PTPRD: variants seen among roughly 807,000 people sequenced by gnomAD.
PTPRD encodes the protein receptor-type tyrosine-protein phosphatase delta.
In PTPRD, 34 loss-of-function variants were observed where a neutral mutation model predicts 214.5. The observed-to-expected ratio is 0.16, with a 90% CI of 0.12 to 0.21. The LOEUF is 0.21. Among genes scored for constraint, PTPRD ranks in the 10% least tolerant of loss-of-function variants. The probability of loss-of-function intolerance (pLI) is 1.00; values close to 1 mark genes in which losing one functional copy is unlikely to be tolerated. For synonymous variants in PTPRD, 1,128 were observed against 845.7 expected (o/e 1.33, Z -5.79); for missense variants, 2,545 against 2,398.7 (o/e 1.06, Z -1.27).
At chr9:10,188,575 CT>C (rs35140958) in intron 3 of PTPRD, among the ~76,000 whole-genome samples, 232 of 143,432 alleles carry the variant, frequency 1.6e-3, no homozygotes, top group East Asian at 2.4e-3. Context: ...TAAATAGTAT[CT>C]TTTTTTTTTT....
At chr9:9,217,681 T>C (rs1405664949) in intron 9 of PTPRD, among the ~76,000 whole-genome samples, 1 of 152,172 alleles carries the variant, frequency 6.6e-6, no homozygotes, top group Non-Finnish European at 1.5e-5. Flanking sequence ...TTCCTTTTTA[T>C]ATTGAAGGCT....
chr9:8,791,558 T>A (rs567622913), intron 11 of PTPRD, among the ~76,000 whole-genome samples: 1 of 136,052 alleles, frequency 7.4e-6, no homozygotes, highest in Admixed American at 8.0e-5. Context: ...GACAGAGTCC[T>A]GCTCTGTCTT....
intron 2 of PTPRD, among the ~76,000 whole-genome samples, chr9:10,537,192 C>T (rs540957738): frequency 1.5e-4 from 23 of 152,234 alleles, no homozygotes; most frequent in African/African-American, 5.5e-4. Context: ...AGTTTAACAA[C>T]GTATTTCTTA....
rs575294731 is a variant in PTPRD at position 8,610,995 on chromosome 9, T to C, written c.352+22322A>G. On this transcript the variant is annotated intron_variant, in intron 14 of 45. Transcript: ENST00000381196. ...ACCATTATGGTTTTATATTTTCATG[T>C]TGAAATATTATATGGTCCTCCATCT... Among the ~76,000 whole-genome samples, 661 of 152,354 alleles carry C rather than the reference T, an allele frequency of 4.3e-3. 5 individuals carry two copies. Among genetic ancestry groups the C allele is most frequent in the Non-Finnish European group, 7.4e-3 (501 of 68,034 alleles).
chr9:9,931,762 C>G lies in PTPRD; in HGVS notation c.-368+6745G>C, dbSNP rs1451110179. On this transcript the variant is annotated intron_variant, in intron 5 of 45. Coordinates refer to ENST00000381196, the MANE Select transcript of PTPRD (RefSeq NM_002839.4). ...GGCCTGCCTACCTCTGTAGGCTCCA[C>G]CTCTGGGGGCAGGGCACAGACAAAC... Among the ~76,000 whole-genome samples, 3 of 151,672 alleles carry G rather than the reference C, an allele frequency of 2.0e-5. No homozygotes were observed. The East Asian group carries it at 5.9e-4, about 30-fold the overall frequency.
At chr9:8,979,577 G>A (rs1297986971) in intron 11 of PTPRD, among the ~76,000 whole-genome samples, 1 of 152,018 alleles carries the variant, frequency 6.6e-6, no homozygotes, top group African/African-American at 2.4e-5. Context: ...ATGGGCAAAG[G>A]ACTTGAACAG....
At chr9:9,843,598 T>G (rs1599498785) in intron 5 of PTPRD, among the ~76,000 whole-genome samples, 1 of 152,002 alleles carries the variant, frequency 6.6e-6, no homozygotes, top group South Asian at 2.1e-4. Context: ...ACCCACACAT[T>G]TTGACAGGAT....
chr9:9,005,035 G>A (rs1237426808), intron 11 of PTPRD, among the ~76,000 whole-genome samples: 1 of 152,058 alleles, frequency 6.6e-6, no homozygotes. Flanking sequence ...TCCTTCATTA[G>A]CCATGCTCTC....
At chr9:10,275,952 T>C (rs540094815) in intron 3 of PTPRD, among the ~76,000 whole-genome samples, 1 of 152,326 alleles carries the variant, frequency 6.6e-6, no homozygotes, top group East Asian at 1.9e-4. Flanking sequence ...GAGTGACTCA[T>C]TTCCTCTTTC....
At chr9:10,067,891 C>T (rs549610531) in intron 3 of PTPRD, among the ~76,000 whole-genome samples, 1 of 151,852 alleles carries the variant, frequency 6.6e-6, no homozygotes, top group Admixed American at 6.6e-5. Flanking sequence ...GTGAAATACT[C>T]CCATTATGGT....
intron 27 of PTPRD, among the ~76,000 whole-genome samples, chr9:8,487,903 T>A (rs1053163135): frequency 6.6e-6 from 1 of 151,384 alleles, no homozygotes; most frequent in Admixed American, 6.6e-5. Flanking sequence ...GTGTCACATG[T>A]CTGTAGTCTT....
chr9:9,147,092 T>C lies in PTPRD; in HGVS notation c.-143+36212A>G, dbSNP rs569833188. 2.0e-5 allele frequency among the ~76,000 whole-genome samples: 3 copies of C among 152,272 alleles called. No individual in the cohort carries two copies. In the East Asian group the frequency reaches 5.8e-4, roughly 29 times the overall value. On this transcript the variant is annotated intron_variant, in intron 10 of 45. Transcript: ENST00000381196. ...AAGTTAGTACATTACAAGTATGAGATTAGACCTGTTAAAAGGAATGATTCT... is the reference window on the plus strand; with the variant it reads ...AAGTTAGTACATTACAAGTATGAGACTAGACCTGTTAAAAGGAATGATTCT...
At chr9:9,972,214 G>C (rs752722312) in intron 4 of PTPRD, among the ~76,000 whole-genome samples, 3 of 152,096 alleles carry the variant, frequency 2.0e-5, no homozygotes, top group Non-Finnish European at 2.9e-5. Context: ...ATTTCTAGTA[G>C]TGTTCTTTCT....
intron 7 of PTPRD, among the ~76,000 whole-genome samples, chr9:9,609,144 C>T (rs73641335): frequency 0.029 from 4,387 of 152,124 alleles, 198 homozygotes; most frequent in African/African-American, 0.1. Context: ...TCTATATTCT[C>T]GTAGTGATTA....
intron 11 of PTPRD, among the ~76,000 whole-genome samples, chr9:8,948,519 TTATATATATATTTATATATATATTTA>T (rs1555575844): frequency 2.3e-4 from 3 of 12,820 alleles, no homozygotes; most frequent in Non-Finnish European, 4.6e-4. Flanking sequence ...ATATATATAT[TTATATATATATTTATATATATATTTA>T]TATATATTTA....
intron 2 of PTPRD, among the ~76,000 whole-genome samples, chr9:10,591,722 C>A (rs1239268832): frequency 6.6e-6 from 1 of 151,988 alleles, no homozygotes; most frequent in African/African-American, 2.4e-5. Flanking sequence ...TTATTCCCAC[C>A]TGTTGTGTGT....
chr9:9,578,492 G>C (rs2089733839), intron 7 of PTPRD, among the ~76,000 whole-genome samples: 1 of 151,920 alleles, frequency 6.6e-6, no homozygotes, highest in Non-Finnish European at 1.5e-5. Flanking sequence ...GGGGGAGGGA[G>C]AGGAAATTGA....
chr9:9,612,419 T>G (rs981545401), intron 7 of PTPRD, among the ~76,000 whole-genome samples: 1 of 152,206 alleles, frequency 6.6e-6, no homozygotes, highest in Non-Finnish European at 1.5e-5. Flanking sequence ...TGTGTCTGTC[T>G]GCAACTGTGA....
At chr9:9,951,532 T>C (rs1159499905) in intron 4 of PTPRD, among the ~76,000 whole-genome samples, 1 of 152,224 alleles carries the variant, frequency 6.6e-6, no homozygotes, top group Non-Finnish European at 1.5e-5. Context: ...TTCTGAATCC[T>C]CCTGGCTGTT....
Sources: gnomAD v4.1 joint callset for allele counts (sites outside exome capture counted in the v4.1 genomes callset) on GRCh38, gnomAD v4.1.1 for gene constraint, MANE v1.5 for transcripts, NCBI Gene and HGNC (gene_info 2026-07-23, HGNC 2026-07-21) for gene names.